KCNT2: variants seen among roughly 807,000 people sequenced by gnomAD.
KCNT2 encodes the protein potassium channel subfamily T member 2.
Under a neutral mutation model 153.8 loss-of-function variants are expected in KCNT2, and 67 were observed. The observed-to-expected ratio is 0.44, with a 90% CI of 0.36 to 0.53. The LOEUF (loss-of-function observed/expected upper bound fraction) is 0.53, where lower values mean the gene tolerates loss of function less well. Among genes scored for constraint, KCNT2 ranks in the 20% least tolerant of loss-of-function variants. The pLI is 0.00. For synonymous variants in KCNT2, 500 were observed against 458.8 expected, an observed-to-expected ratio of 1.09 and a Z score of -1.15; for missense variants, 975 against 1,354.8, an observed-to-expected ratio of 0.72 and a Z score of 4.40.
At chr1:196,231,503 T>A (rs1489848852) in intron 27 of KCNT2, among the ~76,000 whole-genome samples, 1 of 151,426 alleles carries the variant, frequency 6.6e-6, no homozygotes, top group Admixed American at 6.6e-5. Flanking sequence ...GAAGCAGATA[T>A]AATGGAAGAA....
Position 196,228,113 on chromosome 1 carries a change from T to C in KCNT2, c.*111A>G. On this transcript the variant is annotated 3_prime_UTR_variant, in exon 28 of 28. Coordinates refer to ENST00000294725, the MANE Select transcript of KCNT2 (RefSeq NM_198503.5). Reference sequence around the variant, plus strand: ...ACTTCTAAGAGAAGAGATTACGTTTTTAAATATGAGAGAATTACATATATT... The same window carrying C: ...ACTTCTAAGAGAAGAGATTACGTTTCTAAATATGAGAGAATTACATATATT... The C allele has an allele frequency of 1.6e-6, 1 of 636,162 alleles. No individual in the cohort carries two copies. The highest frequency in any genetic ancestry group is 2.9e-5 in the Admixed American group (1 of 34,234). The allele number at this position is 636,162 out of a possible 1,614,324, so 39.4% of individuals were successfully genotyped here. A position where few individuals can be genotyped will look rare whatever the true frequency, so the allele number is the denominator to read the frequency against.
intron 1 of KCNT2, among the ~76,000 whole-genome samples, chr1:196,565,249 C>A (rs536816516): frequency 2.8e-4 from 42 of 151,650 alleles, no homozygotes; most frequent in Non-Finnish European, 4.7e-4. Context: ...TGAGATATCA[C>A]CTCATGCAGA....
intron 12 of KCNT2, among the ~76,000 whole-genome samples, chr1:196,412,315 T>C (rs1672403315): frequency 6.6e-6 from 1 of 151,706 alleles, no homozygotes. Context: ...TCCATGAGAA[T>C]GGAAATGTTT....
intron 14 of KCNT2, among the ~76,000 whole-genome samples, chr1:196,347,787 T>C (rs773628286): frequency 3.3e-5 from 5 of 152,152 alleles, no homozygotes; most frequent in Non-Finnish European, 5.9e-5. Flanking sequence ...CACTGTCTCT[T>C]ATGTCTAGGA....
chr1:196,278,602 T>C (rs1658797192), intron 25 of KCNT2, among the ~76,000 whole-genome samples: 1 of 152,200 alleles, frequency 6.6e-6, no homozygotes, highest in South Asian at 2.1e-4. Context: ...ATCCTTTTCC[T>C]ATCTGCAATG....
In KCNT2 at chr1:196,258,199, C is replaced by G; in HGVS notation, c.3206G>C (p.Gly1069Ala). The change falls in exon 26 of 28, where the codon GGA (glycine) becomes GCA (alanine). Residue 1069 changes from glycine (G) to alanine (A), a missense_variant. By Grantham distance (60) the Gly-to-Ala change is moderately conservative (BLOSUM62 0). Around this residue, in one of 6 missense-constraint regions of KCNT2, gnomAD observed 241 missense variants for 271.1 expected, o/e 0.89. Transcript: ENST00000294725. ...RMKHLGLSTV[G>A]YDEMNDHQST... ...GTAGTTTTTAAAGAGCATACCATAT[C>G]CCACTGTAGAAAGACCCAAGTGTTT... The G allele has an allele frequency of 6.2e-7, 1 of 1,613,478 alleles. No individual in the cohort carries two copies. The highest frequency in any genetic ancestry group is 8.5e-7 in the Non-Finnish European group (1 of 1,179,576).
At chr1:196,235,229 T>C (rs1571741301) in intron 27 of KCNT2, among the ~76,000 whole-genome samples, 1 of 151,446 alleles carries the variant, frequency 6.6e-6, no homozygotes. Context: ...TCCTGCATTT[T>C]CCAAGCCATT....
intron 12 of KCNT2, among the ~76,000 whole-genome samples, chr1:196,417,094 A>T (rs775758958): frequency 2.4e-4 from 36 of 152,242 alleles, no homozygotes; most frequent in Non-Finnish European, 4.6e-4. Flanking sequence ...TTTTAAAACA[A>T]TATGATCTAT....
chr1:196,298,184 G>A (rs1196298594), intron 22 of KCNT2, among the ~76,000 whole-genome samples: 5 of 152,050 alleles, frequency 3.3e-5, no homozygotes, highest in African/African-American at 4.8e-5. Flanking sequence ...TGCATCAAGC[G>A]TGCATCCTAC....
At chr1:196,257,722 A>C in intron 26 of KCNT2, 1 of 984,244 alleles carries the variant, frequency 1.0e-6, no homozygotes, top group Non-Finnish European at 1.2e-6. Flanking sequence ...GAGCTTCAAA[A>C]TTAAAGTTTT....
intron 11 of KCNT2, among the ~76,000 whole-genome samples, chr1:196,425,346 C>A (rs1476617077): frequency 6.6e-6 from 1 of 151,968 alleles, no homozygotes; most frequent in Admixed American, 6.6e-5. Context: ...TCTGATTCCT[C>A]TAGTCCATGG....
chr1:196,344,845 T>C (rs150306982), intron 14 of KCNT2, among the ~76,000 whole-genome samples: 15 of 152,298 alleles, frequency 9.8e-5, no homozygotes, highest in African/African-American at 3.4e-4. Flanking sequence ...TCAGGCAGCA[T>C]CTTTTTTTAG....
intron 26 of KCNT2, among the ~76,000 whole-genome samples, chr1:196,239,760 C>T (rs7529369): frequency 0.1 from 15,938 of 151,908 alleles, 1,232 homozygotes; most frequent in African/African-American, 0.22. Context: ...TGTTCCCCCA[C>T]AAATTCCAAT....
chr1:196,227,330 T>C lies in KCNT2; in HGVS notation c.*894A>G, dbSNP rs574650437. Reference sequence around the variant, plus strand: ...TCTAGTGAAATTTACTATATAGATATATGAATAGGAAAGATGGTAAAGTTC... The same window carrying C: ...TCTAGTGAAATTTACTATATAGATACATGAATAGGAAAGATGGTAAAGTTC... On this transcript the variant is annotated 3_prime_UTR_variant, in exon 28 of 28. Coordinates refer to ENST00000294725, the MANE Select transcript of KCNT2 (RefSeq NM_198503.5). 6.6e-6 allele frequency: 1 copy of C among 152,134 alleles called. No homozygotes were observed. Among genetic ancestry groups the C allele is most frequent in the African/African-American group, 2.4e-5 (1 of 41,566 alleles). The allele number at this position is 152,134 out of a possible 1,614,324, so 9.4% of individuals were successfully genotyped here.
At chr1:196,563,715 G>A (rs1202210885) in intron 1 of KCNT2, among the ~76,000 whole-genome samples, 1 of 151,734 alleles carries the variant, frequency 6.6e-6, no homozygotes, top group South Asian at 2.1e-4. Flanking sequence ...TTCAACATAT[G>A]CAAATCAAAA....
At chr1:196,311,687 G>C (rs962970754) in intron 21 of KCNT2, among the ~76,000 whole-genome samples, 1 of 151,534 alleles carries the variant, frequency 6.6e-6, no homozygotes, top group Non-Finnish European at 1.5e-5. Context: ...CCAGCTCCTA[G>C]GTAAAGTTCT....
intron 13 of KCNT2, among the ~76,000 whole-genome samples, chr1:196,394,373 C>T (rs942192389): frequency 1.8e-4 from 28 of 151,598 alleles, no homozygotes; most frequent in African/African-American, 7.2e-5. Context: ...GGTTGTGATG[C>T]CGCTGTGGAT....
chr1:196,581,120 A>G (rs983985404), intron 1 of KCNT2, among the ~76,000 whole-genome samples: 2 of 152,072 alleles, frequency 1.3e-5, no homozygotes, highest in Non-Finnish European at 2.9e-5. Flanking sequence ...ATTAGTATAT[A>G]TGTGATATAG....
chr1:196,316,385 A>C (rs1662724696), intron 20 of KCNT2, among the ~76,000 whole-genome samples: 1 of 151,784 alleles, frequency 6.6e-6, no homozygotes, highest in Middle Eastern at 3.2e-3. Context: ...TACTACTTCA[A>C]AGACACATTT....
Sources: allele counts gnomAD v4.1 joint callset (sites outside exome capture counted in the v4.1 genomes callset), GRCh38; gene constraint gnomAD v4.1.1; regional missense constraint gnomAD v4.1.1; transcripts MANE v1.5; gene names NCBI Gene and HGNC (gene_info 2026-07-23, HGNC 2026-07-21).